ENTPD3: variants seen among roughly 807,000 people sequenced by gnomAD.
The protein encoded by ENTPD3 is CD39 antigen-like 3.
ENTPD3 carries 60 observed loss-of-function variants against 51.2 expected under a neutral mutation model. The ratio of observed to expected loss-of-function variants is 1.17; its 90% CI spans 0.95 to 1.45. The LOEUF is 1.45. ENTPD3 is among the 40% of genes most tolerant of loss of function. The pLI, the probability that ENTPD3 is intolerant of heterozygous loss-of-function variation, is 0.00. For missense variants in ENTPD3, 593 were observed against 641.1 expected, an observed-to-expected ratio of 0.93 and a Z score of 0.81; for synonymous variants, 221 against 238.4, an observed-to-expected ratio of 0.93 and a Z score of 0.67.
intron 10 of ENTPD3, among the ~76,000 whole-genome samples, chr3:40,426,373 G>T (rs1353603220): frequency 1.3e-5 from 2 of 151,880 alleles, no homozygotes; most frequent in Admixed American, 1.3e-4. Flanking sequence ...CCAAAGTGCT[G>T]GGATTATAGG....
chr3:40,395,506 C>G (rs1105746), intron 3 of ENTPD3, among the ~76,000 whole-genome samples: 6,772 of 152,232 alleles, frequency 0.044, 454 homozygotes, highest in African/African-American at 0.15. Context: ...TGAGATGGGT[C>G]AGGCAGCCAA....
At chr3:40,427,232 G>A (rs962858968) in intron 10 of ENTPD3, 40 bp from the exon 11 acceptor site, 2 of 1,514,314 alleles carry the variant, frequency 1.3e-6, no homozygotes, top group African/African-American at 1.4e-5. Context: ...GCAGCCTTGA[G>A]CCTTGCCCTG....
At chr3:40,396,801 T>C (rs1955212288) in intron 3 of ENTPD3, among the ~76,000 whole-genome samples, 1 of 152,212 alleles carries the variant, frequency 6.6e-6, no homozygotes, top group African/African-American at 2.4e-5. Context: ...ATCAATACTA[T>C]TGTACTGCCT....
chr3:40,428,507 T>C lies in ENTPD3; in HGVS notation c.*999T>C, dbSNP rs1956021379. The stretch of plus-strand genomic sequence containing the variant: ...GCTGCAGGAATATTTATCTCCAAAG[T>C]CGAATGAGAAAGAACTCCAGCAAAT... On this transcript the variant is annotated 3_prime_UTR_variant, in exon 11 of 11. Coordinates refer to ENST00000301825, the MANE Select transcript of ENTPD3 (RefSeq NM_001248.4). 6.6e-6 allele frequency: 1 copy of C among 152,146 alleles called. No homozygotes were observed. Among genetic ancestry groups the C allele is most frequent in the African/African-American group, 2.4e-5 (1 of 41,434 alleles). 9.4% of individuals were successfully genotyped at this position (152,146 alleles called of 1,614,324 possible).
intron 1 of ENTPD3, among the ~76,000 whole-genome samples, chr3:40,387,651 A>G (rs115854467): frequency 0.01 from 1,563 of 152,218 alleles, 20 homozygotes; most frequent in South Asian, 0.034. Context: ...CAGGCTCGCG[A>G]TCCATGAACA....
chr3:40,399,306 T>G (rs1955287572), intron 3 of ENTPD3, among the ~76,000 whole-genome samples: 1 of 152,228 alleles, frequency 6.6e-6, no homozygotes, highest in African/African-American at 2.4e-5. Context: ...TTTTCTGTTT[T>G]TCTTGTTTTG....
In ENTPD3 at chr3:40,392,292, G is replaced by A. The variant is rs60991656; in HGVS notation, c.168+142G>A. The A allele has an allele frequency of 0.015, 14,535 of 967,518 alleles. 746 individuals carry two copies. The African/African-American group carries it at 0.15, about 10-fold the overall frequency. 59.9% of individuals were successfully genotyped at this position (967,518 alleles called of 1,614,324 possible). A position where few individuals can be genotyped will look rare whatever the true frequency, so the allele number is the denominator to read the frequency against. On this transcript the variant is annotated intron_variant, in intron 3 of 10. Transcript: ENST00000301825. The stretch of plus-strand genomic sequence containing the variant: ...AAGCCAGGAGAAGTTAGTGTAAGAC[G>A]CAAGGGAGAAGGTCTGGACATGCTG...
At chr3:40,419,964 T>G (rs1239568651) in intron 7 of ENTPD3, among the ~76,000 whole-genome samples, 2 of 152,178 alleles carry the variant, frequency 1.3e-5, no homozygotes, top group African/African-American at 2.4e-5. Flanking sequence ...ATTGGCAAAT[T>G]ATACTTAAAG....
Position 40,403,486 on chromosome 3 carries a change from G to A in ENTPD3, c.286+2475G>A, listed in dbSNP as rs146557181. On this transcript the variant is annotated intron_variant, in intron 4 of 10. Coordinates refer to ENST00000301825, the MANE Select transcript of ENTPD3 (RefSeq NM_001248.4). Reference sequence around the variant, plus strand: ...AATACCCCCTGTTGCTGCCACTCTTGGATGTTTGCCACCCTGGAAAGAGCA... The same window carrying A: ...AATACCCCCTGTTGCTGCCACTCTTAGATGTTTGCCACCCTGGAAAGAGCA... Among the ~76,000 whole-genome samples the A allele has an allele frequency of 2.5e-3, 379 of 152,198 alleles. 8 individuals carry two copies. The highest frequency in any genetic ancestry group is 1.6e-3 in the Non-Finnish European group (112 of 68,012).
At chr3:40,416,609 GTTC>G (rs1955753058) in intron 7 of ENTPD3, among the ~76,000 whole-genome samples, 1 of 152,164 alleles carries the variant, frequency 6.6e-6, no homozygotes, top group South Asian at 2.1e-4. Flanking sequence ...TTTGATAAGT[GTTC>G]CAGGGCCCAG....
chr3:40,423,326 A>G lies in ENTPD3; in HGVS notation c.1140A>G (p.Leu380=). Residue 380 remains leucine (L), a synonymous_variant, in exon 9 of 11, where the codon TTA becomes TTG. Coordinates refer to ENST00000301825, the MANE Select transcript of ENTPD3 (RefSeq NM_001248.4). ...GATTCTACTACACAGCCAGTGCTTT[A>G]AATCTTTCAGGTAGCTTTTCCCTGG... The part of the protein sequence containing the change: ...FAGFYYTASA[L]NLSGSFSLDT... The G allele has an allele frequency of 6.2e-7, 1 of 1,614,050 alleles. No individual in the cohort carries two copies. The highest frequency in any genetic ancestry group is 1.1e-5 in the South Asian group (1 of 91,062).
intron 4 of ENTPD3, among the ~76,000 whole-genome samples, chr3:40,409,974 T>C (rs1325844948): frequency 6.6e-6 from 1 of 152,176 alleles, no homozygotes; most frequent in African/African-American, 2.4e-5. Flanking sequence ...TAAACAAACA[T>C]TGGTTAAACT....
rs146917144 is a variant in ENTPD3, at chr3:40,409,374, C to A, written c.287-2438C>A. 4.2e-4 allele frequency among the ~76,000 whole-genome samples: 64 copies of A among 152,292 alleles called. No individual in the cohort carries two copies. In the East Asian group the frequency reaches 0.012, roughly 29 times the overall value. On this transcript the variant is annotated intron_variant, in intron 4 of 10. Transcript: ENST00000301825. ...ACTCCTGAGATCAAGCCACTGAGTT[C>A]ATCAAGCCCACGGCTTATGGTGCTG...
intron 3 of ENTPD3, among the ~76,000 whole-genome samples, chr3:40,394,119 T>C (rs1955135277): frequency 6.6e-6 from 1 of 150,944 alleles, no homozygotes; most frequent in Admixed American, 6.6e-5. Flanking sequence ...TTTATTTTAT[T>C]GTTATTATTT....
At chr3:40,420,216 A>AT (rs941522675) in intron 7 of ENTPD3, among the ~76,000 whole-genome samples, 21 of 150,044 alleles carry the variant, frequency 1.4e-4, no homozygotes, top group South Asian at 2.1e-4. Context: ...GATTAGTTTG[A>AT]TTTTTTTTTC....
intron 7 of ENTPD3, among the ~76,000 whole-genome samples, chr3:40,418,353 C>A (rs1355310195): frequency 6.6e-6 from 1 of 152,192 alleles, no homozygotes; most frequent in Non-Finnish European, 1.5e-5. Context: ...CAAGCCCTGA[C>A]TTGGAAGGTT....
chr3:40,418,097 G>A (rs1401985779), intron 7 of ENTPD3, among the ~76,000 whole-genome samples: 3 of 152,190 alleles, frequency 2.0e-5, no homozygotes, highest in African/African-American at 7.2e-5. Context: ...GAGAATGCCA[G>A]TCTCCAAATG....
chr3:40,418,085 T>C (rs1368237149), intron 7 of ENTPD3, among the ~76,000 whole-genome samples: 1 of 152,172 alleles, frequency 6.6e-6, no homozygotes, highest in Non-Finnish European at 1.5e-5. Context: ...TGATTTAGGC[T>C]TGAGAATGCC....
chr3:40,425,874 G>C (rs1475723655), intron 10 of ENTPD3, among the ~76,000 whole-genome samples: 4 of 149,550 alleles, frequency 2.7e-5, no homozygotes, highest in Non-Finnish European at 4.4e-5. Context: ...CTTTAGCCTG[G>C]GCGAAAGAGC....
Sources: allele counts gnomAD v4.1 joint callset (sites outside exome capture counted in the v4.1 genomes callset), GRCh38; gene constraint gnomAD v4.1.1; transcripts MANE v1.5; gene names NCBI Gene and HGNC (gene_info 2026-07-23, HGNC 2026-07-21).